Variants in SDF4 observed in about 807,000 individuals in gnomAD.
SDF4 encodes 45 kDa calcium-binding protein.
In SDF4, 22 loss-of-function variants were observed where a neutral mutation model predicts 34.2. The ratio of observed to expected loss-of-function variants is 0.64; its 90% CI spans 0.46 to 0.92. The LOEUF is 0.92. Among genes scored for constraint, SDF4 ranks in the 40% least tolerant of loss-of-function variants. SDF4 has a pLI of 0.00. For synonymous variants in SDF4, 236 were observed against 203.1 expected, an observed-to-expected ratio of 1.16 and a Z score of -1.38; for missense variants, 447 against 499.9, an observed-to-expected ratio of 0.89 and a Z score of 1.01.
At chr1:1,219,630 G>GC in intron 4 of SDF4, 1 of 986,086 alleles carries the variant, frequency 1.0e-6, no homozygotes, top group Non-Finnish European at 1.2e-6. Flanking sequence ...TGGGTGTGTG[G>GC]CCCCCGCTCT....
rs377746693 is a variant in SDF4, at chr1:1,217,450, G to A, written c.*62C>T. 18 of 1,342,952 alleles carry A rather than the reference G, an allele frequency of 1.3e-5. No individual in the cohort carries two copies. The highest frequency in any genetic ancestry group is 1.6e-5 in the South Asian group (1 of 60,670). 83.2% of individuals were successfully genotyped at this position (1,342,952 alleles called of 1,614,324 possible). A position where few individuals can be genotyped will look rare whatever the true frequency, so the allele number is the denominator to read the frequency against. On this transcript the variant is annotated 3_prime_UTR_variant, in exon 7 of 7. Transcript: ENST00000360001. This position sits in a 1 kb window ranked among gnomAD's most constrained non-coding sequence, Gnocchi z 8.5. Reference sequence around the variant, plus strand: ...GGGGTCCGGGACAGCCACGGAGCCCGGAGTCACCCGCGAGGCCGCCCCGGT... The same window carrying A: ...GGGGTCCGGGACAGCCACGGAGCCCAGAGTCACCCGCGAGGCCGCCCCGGT...
At chr1:1,226,880 G>A (rs1368824752) in intron 2 of SDF4, among the ~76,000 whole-genome samples, 1 of 152,212 alleles carries the variant, frequency 6.6e-6, no homozygotes, top group Non-Finnish European at 1.5e-5. Flanking sequence ...CTTCCCCTGT[G>A]ATGCCGCGAG....
At chr1:1,230,663 T>A (rs1638465529) in intron 1 of SDF4, among the ~76,000 whole-genome samples, 1 of 152,134 alleles carries the variant, frequency 6.6e-6, no homozygotes, top group South Asian at 2.1e-4. Flanking sequence ...TTTGCCATGT[T>A]GGCCAGGCTG....
At chr1:1,220,146 C>G (rs1242471695) in intron 4 of SDF4, 3 of 987,896 alleles carry the variant, frequency 3.0e-6, no homozygotes, top group African/African-American at 1.7e-5. Context: ...AGCCCCAGCA[C>G]CAACCTCAGG....
Position 1,218,395 on chromosome 1 carries a change from C to A in SDF4, c.891+63G>T, listed in dbSNP as rs1649665060. On this transcript the variant is annotated intron_variant, in intron 6 of 6. Transcript: ENST00000360001. The surrounding 1 kb of genome is among the most constrained non-coding windows in gnomAD (Gnocchi z 7.9). ...CTTCCTGCCTCAGGCCCAGATCCACCAGCCCCTCCCGCCACAGCACCTCGC... is the reference window on the plus strand; with the variant it reads ...CTTCCTGCCTCAGGCCCAGATCCACAAGCCCCTCCCGCCACAGCACCTCGC... The A allele has an allele frequency of 3.9e-6, 6 of 1,545,542 alleles. No individual in the cohort carries two copies. Among genetic ancestry groups the A allele is most frequent in the Non-Finnish European group, 5.2e-6 (6 of 1,144,638 alleles).
chr1:1,223,816 G>A lies in SDF4; in HGVS notation c.442+16C>T, dbSNP rs372979170. On this transcript the variant is annotated intron_variant, in intron 3 of 6. Coordinates refer to ENST00000360001, the MANE Select transcript of SDF4 (RefSeq NM_016176.6). Reference sequence around the variant, plus strand: ...CCCCGCCCACCGCCCCACCCACCCCGGCCCAGCCACAGTACCGTCCCCGTC... The same window carrying A: ...CCCCGCCCACCGCCCCACCCACCCCAGCCCAGCCACAGTACCGTCCCCGTC... 1.7e-3 allele frequency: 201 copies of A among 115,506 alleles called. 1 individual carries two copies. The highest frequency in any genetic ancestry group is 2.6e-3 in the Non-Finnish European group (180 of 68,408). The allele number at this position is 115,506 out of a possible 1,614,324, so 7.2% of individuals were successfully genotyped here. A position where few individuals can be genotyped will look rare whatever the true frequency, so the allele number is the denominator to read the frequency against.
At chr1:1,220,314 G>T (rs1649857222) in intron 4 of SDF4, 1 of 1,099,714 alleles carries the variant, frequency 9.1e-7, no homozygotes. Context: ...ATGGAGGCGG[G>T]GGAAGGGAGT....
rs567266344 is a variant in SDF4, at chr1:1,220,844, C to A, written c.557-1917G>T. The stretch of plus-strand genomic sequence containing the variant: ...CCAAGCACATCGCCAACAGGCCGGA[C>A]CAACGGGATGAAGCTTAAAGACGCA... On this transcript the variant is annotated intron_variant, in intron 4 of 6. Coordinates refer to ENST00000360001, the MANE Select transcript of SDF4 (RefSeq NM_016176.6). 2.7e-4 allele frequency: 268 copies of A among 1,004,698 alleles called. 5 individuals are homozygous for A. The South Asian group carries it at 3.6e-3, about 13-fold the overall frequency. 62.2% of individuals were successfully genotyped at this position (1,004,698 alleles called of 1,614,324 possible). A position where few individuals can be genotyped will look rare whatever the true frequency, so the allele number is the denominator to read the frequency against.
At chr1:1,228,027 CAGG>C (rs1222162512) in intron 2 of SDF4, among the ~76,000 whole-genome samples, 3 of 152,222 alleles carry the variant, frequency 2.0e-5, no homozygotes, top group African/African-American at 7.2e-5. Flanking sequence ...GAGGGCGTGT[CAGG>C]AGGAGCCCAG....
At position 1,229,018 on chromosome 1, in the gene SDF4, A is replaced by T. The variant is rs966244143; in HGVS notation, c.-174-72T>A. The T allele has an allele frequency of 4.6e-4, 263 of 566,504 alleles. 2 individuals carry two copies. The highest frequency in any genetic ancestry group is 2.8e-3 in the Middle Eastern group (6 of 2,170). 35.1% of individuals were successfully genotyped at this position (566,504 alleles called of 1,614,324 possible). On this transcript the variant is annotated intron_variant, in intron 1 of 6. Coordinates refer to ENST00000360001, the MANE Select transcript of SDF4 (RefSeq NM_016176.6). ...TCCCCAAGCACGTCTATCCTGCAACATGAAACATATCCTCGATTCACAGGA... is the reference window on the plus strand; with the variant it reads ...TCCCCAAGCACGTCTATCCTGCAACTTGAAACATATCCTCGATTCACAGGA...
chr1:1,218,426 C>T lies in SDF4; in HGVS notation c.891+32G>A, dbSNP rs765359641. On this transcript the variant is annotated intron_variant, in intron 6 of 6. Coordinates refer to ENST00000360001, the MANE Select transcript of SDF4 (RefSeq NM_016176.6). This position sits in a 1 kb window ranked among gnomAD's most constrained non-coding sequence, Gnocchi z 7.9. Reference sequence around the variant, plus strand: ...CTCCCGCCACAGCACCTCGCAGGGCCGGCTCCGGGACACGGCTGCGCCAGG... The same window carrying T: ...CTCCCGCCACAGCACCTCGCAGGGCTGGCTCCGGGACACGGCTGCGCCAGG... 1.8e-5 allele frequency: 28 copies of T among 1,598,364 alleles called. No homozygotes were observed. Among genetic ancestry groups the T allele is most frequent in the South Asian group, 5.6e-5 (5 of 90,032 alleles).
At chr1:1,227,776 C>T (rs896116596) in intron 2 of SDF4, among the ~76,000 whole-genome samples, 19 of 152,142 alleles carry the variant, frequency 1.2e-4, no homozygotes, top group African/African-American at 4.6e-4. Context: ...CATCTTGGAC[C>T]CCTCACAACA....
rs934407951 is a variant in SDF4 at position 1,220,510 on chromosome 1, A to G, written c.557-1583T>C. 3.3e-6 allele frequency: 4 copies of G among 1,203,872 alleles called. No individual in the cohort carries two copies. The African/African-American group carries it at 4.8e-5, about 14-fold the overall frequency. 74.6% of individuals were successfully genotyped at this position (1,203,872 alleles called of 1,614,324 possible). A position where few individuals can be genotyped will look rare whatever the true frequency, so the allele number is the denominator to read the frequency against. Reference sequence around the variant, plus strand: ...CAGGACCCGGCAGCTGCTCTTCCTGAGCCAGAAACCAAATACCCAAAGAGG... The same window carrying G: ...CAGGACCCGGCAGCTGCTCTTCCTGGGCCAGAAACCAAATACCCAAAGAGG... On this transcript the variant is annotated intron_variant, in intron 4 of 6. Transcript: ENST00000360001.
Position 1,217,896 on chromosome 1 carries a change from G to C in SDF4, c.892-208C>G. ...GAAGGCCTGCCCGGGGCCAGCAGGGGTAACGGGGCACAGGGGCTACACAGG... is the reference window on the plus strand; with the variant it reads ...GAAGGCCTGCCCGGGGCCAGCAGGGCTAACGGGGCACAGGGGCTACACAGG... On this transcript the variant is annotated intron_variant, in intron 6 of 6. Transcript: ENST00000360001. The surrounding 1 kb of genome is among the most constrained non-coding windows in gnomAD (Gnocchi z 8.5). 7.3e-7 allele frequency: 1 copy of C among 1,373,550 alleles called. No individual in the cohort carries two copies. Among genetic ancestry groups the C allele is most frequent in the Non-Finnish European group, 9.6e-7 (1 of 1,039,658 alleles). The allele number at this position is 1,373,550 out of a possible 1,614,324, so 85.1% of individuals were successfully genotyped here. A position where few individuals can be genotyped will look rare whatever the true frequency, so the allele number is the denominator to read the frequency against.
At chr1:1,227,981 G>C (rs1260717234) in intron 2 of SDF4, among the ~76,000 whole-genome samples, 1 of 152,218 alleles carries the variant, frequency 6.6e-6, no homozygotes, top group Admixed American at 6.5e-5. Context: ...GTGATACGCG[G>C]CCCGTGTGTG....
At chr1:1,226,563 C>T (rs537841709) in intron 2 of SDF4, among the ~76,000 whole-genome samples, 3 of 152,164 alleles carry the variant, frequency 2.0e-5, no homozygotes, top group African/African-American at 2.4e-5. Context: ...GCTGAGTGAA[C>T]GTGGGTCCTG....
rs558644552 is a variant in SDF4 at position 1,217,317 on chromosome 1, G to A, written c.*195C>T. On this transcript the variant is annotated 3_prime_UTR_variant, in exon 7 of 7. Coordinates refer to ENST00000360001, the MANE Select transcript of SDF4 (RefSeq NM_016176.6). The surrounding 1 kb of genome is among the most constrained non-coding windows in gnomAD (Gnocchi z 8.5). Reference sequence around the variant, plus strand: ...CACAGCCCAGCCCCGCGCCCCGACCGCGTCACAGCCAAAGCCCCGCCGGGG... The same window carrying A: ...CACAGCCCAGCCCCGCGCCCCGACCACGTCACAGCCAAAGCCCCGCCGGGG... 2.4e-4 allele frequency: 67 copies of A among 284,840 alleles called. No homozygotes were observed. Among genetic ancestry groups the A allele is most frequent in the African/African-American group, 1.4e-3 (60 of 43,888 alleles). The allele number at this position is 284,840 out of a possible 1,614,324, so 17.6% of individuals were successfully genotyped here.
chr1:1,225,010 G>A (rs1366170006), intron 2 of SDF4, among the ~76,000 whole-genome samples: 1 of 152,224 alleles, frequency 6.6e-6, no homozygotes, highest in African/African-American at 2.4e-5. Context: ...GGATGGAAGA[G>A]ACCACAGACT....
chr1:1,222,881 A>C (rs1650048840), intron 4 of SDF4, among the ~76,000 whole-genome samples: 2 of 152,230 alleles, frequency 1.3e-5, no homozygotes, highest in Admixed American at 1.3e-4. Flanking sequence ...GGGCGCACTC[A>C]CCTGCATGTA....
Sources: allele counts gnomAD v4.1 joint callset (sites outside exome capture counted in the v4.1 genomes callset), GRCh38; gene constraint gnomAD v4.1.1; non-coding constraint Gnocchi (gnomAD v3.1); transcripts MANE v1.5; gene names NCBI Gene and HGNC (gene_info 2026-07-23, HGNC 2026-07-21).